Variants in HTR7 observed in about 807,000 individuals in gnomAD.
HTR7 encodes the protein 5-hydroxytryptamine receptor 7.
In HTR7, 16 loss-of-function variants were observed where a neutral mutation model predicts 34.0. The observed-to-expected ratio is 0.47, with a 90% CI of 0.32 to 0.71. The LOEUF is 0.71. Among genes scored for constraint, HTR7 ranks in the 30% least tolerant of loss-of-function variants. The pLI, the probability that HTR7 is intolerant of heterozygous loss-of-function variation, is 0.04. For synonymous variants in HTR7, 265 were observed against 260.2 expected (o/e 1.02, Z -0.18); for missense variants, 504 against 625.5 (o/e 0.81, Z 2.07).
chr10:90,804,090 A>G (rs1185204712), intron 1 of HTR7, among the ~76,000 whole-genome samples: 1 of 152,204 alleles, frequency 6.6e-6, no homozygotes, highest in Non-Finnish European at 1.5e-5. Context: ...GCAACTGAGC[A>G]TCAGAGACTA....
chr10:90,754,270 G>A (rs1302366083), intron 1 of HTR7, among the ~76,000 whole-genome samples: 1 of 151,842 alleles, frequency 6.6e-6, no homozygotes, highest in East Asian at 1.9e-4. Context: ...AGAACTCATT[G>A]GCCTTTAAAA....
At chr10:90,826,962 A>T (rs1232525505) in intron 1 of HTR7, among the ~76,000 whole-genome samples, 1 of 151,670 alleles carries the variant, frequency 6.6e-6, no homozygotes, top group Non-Finnish European at 1.5e-5. Context: ...TAATAATAAT[A>T]AAATAAATAA....
chr10:90,782,771 A>G (rs894514927), intron 1 of HTR7, among the ~76,000 whole-genome samples: 4 of 152,154 alleles, frequency 2.6e-5, no homozygotes, highest in African/African-American at 7.2e-5. Context: ...TTCTAATGCC[A>G]CTCATTCTGG....
At chr10:90,805,862 C>A (rs960673300) in intron 1 of HTR7, among the ~76,000 whole-genome samples, 1 of 152,116 alleles carries the variant, frequency 6.6e-6, no homozygotes, top group African/African-American at 2.4e-5. Context: ...CATGCTAGCC[C>A]AAATGCCTGT....
chr10:90,747,344 C>A (rs369859149), intron 2 of HTR7, among the ~76,000 whole-genome samples: 13 of 152,304 alleles, frequency 8.5e-5, no homozygotes, highest in Non-Finnish European at 1.8e-4. Context: ...GTCAGTTCAA[C>A]GAACTCTTAT....
At chr10:90,837,694 C>T (rs942481732) in intron 1 of HTR7, among the ~76,000 whole-genome samples, 11 of 152,216 alleles carry the variant, frequency 7.2e-5, no homozygotes, top group African/African-American at 2.7e-4. Context: ...AAACAATTAT[C>T]ATCAGACTAC....
intron 1 of HTR7, among the ~76,000 whole-genome samples, chr10:90,815,684 G>A (rs977337366): frequency 2.6e-5 from 4 of 151,998 alleles, no homozygotes; most frequent in South Asian, 4.2e-4. Flanking sequence ...GTTTACCTAC[G>A]TAACAAACCT....
intron 1 of HTR7, among the ~76,000 whole-genome samples, chr10:90,840,334 G>A (rs1846309687): frequency 6.6e-6 from 1 of 152,092 alleles, no homozygotes; most frequent in African/African-American, 2.4e-5. Flanking sequence ...TGATGGCAGG[G>A]AGTGACAGCA....
In HTR7 at chr10:90,844,726, C is replaced by CAA. The variant is rs71025328; in HGVS notation, c.539+12405_539+12406dup. Among the ~76,000 whole-genome samples the CAA allele has an allele frequency of 7.1e-4, 28 of 39,502 alleles. 7 individuals are homozygous for CAA. The highest frequency in any genetic ancestry group is 2.0e-3 in the East Asian group (2 of 1,010). 25.9% of individuals were successfully genotyped at this position (39,502 alleles called of 152,430 possible). A position where few individuals can be genotyped will look rare whatever the true frequency, so the allele number is the denominator to read the frequency against. On this transcript the variant is annotated intron_variant, in intron 1 of 3. Coordinates refer to ENST00000336152, the MANE Select transcript of HTR7 (RefSeq NM_019859.4). The stretch of plus-strand genomic sequence containing the variant: ...TGGGCAACAGAATGAGACTCCGTCT[C>CAA]AAAAAAAAAAAAAAAAAAAAAAAAA...
intron 1 of HTR7, among the ~76,000 whole-genome samples, chr10:90,847,156 C>T (rs1846423818): frequency 6.6e-6 from 1 of 152,176 alleles, no homozygotes; most frequent in Non-Finnish European, 1.5e-5. Context: ...CTTGTCAAGT[C>T]ACTTCTACCC....
chr10:90,783,235 T>C (rs938885710), intron 1 of HTR7, among the ~76,000 whole-genome samples: 1 of 152,190 alleles, frequency 6.6e-6, no homozygotes, highest in African/African-American at 2.4e-5. Flanking sequence ...GAGTGCCTGC[T>C]ATAATTACAG....
intron 1 of HTR7, among the ~76,000 whole-genome samples, chr10:90,763,328 T>G (rs928850052): frequency 1.3e-5 from 2 of 152,236 alleles, no homozygotes; most frequent in African/African-American, 4.8e-5. Flanking sequence ...TCTTATAGAT[T>G]TCAGTACCTA....
intron 1 of HTR7, among the ~76,000 whole-genome samples, chr10:90,829,758 C>T (rs1200195882): frequency 6.6e-6 from 1 of 152,186 alleles, no homozygotes; most frequent in Non-Finnish European, 1.5e-5. Context: ...ACTATCTGAA[C>T]TGATAAACTC....
At chr10:90,787,550 C>T (rs116407813) in intron 1 of HTR7, among the ~76,000 whole-genome samples, 216 of 152,134 alleles carry the variant, frequency 1.4e-3, no homozygotes, top group African/African-American at 4.9e-3. Flanking sequence ...ACTGGACTTA[C>T]GTGCTGGTAG....
chr10:90,842,393 A>G (rs144870873), intron 1 of HTR7, among the ~76,000 whole-genome samples: 1 of 152,292 alleles, frequency 6.6e-6, no homozygotes, highest in Non-Finnish European at 1.5e-5. Flanking sequence ...GTATTTTGTT[A>G]TAGCAGCATG....
At chr10:90,828,413 T>C (rs1162255481) in intron 1 of HTR7, among the ~76,000 whole-genome samples, 1 of 151,948 alleles carries the variant, frequency 6.6e-6, no homozygotes, top group Non-Finnish European at 1.5e-5. Context: ...ACCAACAAAA[T>C]GAAATCTTGG....
rs144066318 is a variant in HTR7, at chr10:90,768,844, C to T, written c.540-19250G>A. ...ATCAAACATAAAGAATAAAACAACT[C>T]CAACTTCTTCCTCGGTAATGTGAAC... On this transcript the variant is annotated intron_variant, in intron 1 of 3. Transcript: ENST00000336152. 3.0e-3 allele frequency among the ~76,000 whole-genome samples: 456 copies of T among 152,284 alleles called. 4 individuals are homozygous for T. Among genetic ancestry groups the T allele is most frequent in the African/African-American group, 0.01 (436 of 41,548 alleles).
intron 1 of HTR7, among the ~76,000 whole-genome samples, chr10:90,773,610 C>A (rs891135084): frequency 4.6e-5 from 7 of 152,080 alleles, no homozygotes; most frequent in Admixed American, 3.3e-4. Context: ...TCTCCAACCC[C>A]CACTACTCTT....
intron 1 of HTR7, among the ~76,000 whole-genome samples, chr10:90,850,184 A>G (rs1211697467): frequency 6.6e-6 from 1 of 152,260 alleles, no homozygotes; most frequent in East Asian, 1.9e-4. Flanking sequence ...GAATTCTGAG[A>G]CTGCATAAGG....
Sources: gnomAD v4.1 joint callset for allele counts (sites outside exome capture counted in the v4.1 genomes callset) on GRCh38, gnomAD v4.1.1 for gene constraint, MANE v1.5 for transcripts, NCBI Gene and HGNC (gene_info 2026-07-23, HGNC 2026-07-21) for gene names.